Variants in FAM83G observed in about 807,000 individuals in gnomAD.
FAM83G encodes the protein protein FAM83G.
Under a neutral mutation model 61.5 loss-of-function variants are expected in FAM83G, and 38 were observed. The ratio of observed to expected loss-of-function variants is 0.62; its 90% confidence interval spans 0.48 to 0.81. The LOEUF (loss-of-function observed/expected upper bound fraction) is 0.81. FAM83G is among the 30% of genes least tolerant of loss of function. The pLI is 0.00. For missense variants in FAM83G, 989 were observed against 1,133.6 expected (o/e 0.87, Z 1.83); for synonymous variants, 470 against 476.1 (o/e 0.99, Z 0.17).
chr17:18,994,681 A>G (rs1567802148), intron 2 of FAM83G, among the ~76,000 whole-genome samples: 1 of 152,136 alleles, frequency 6.6e-6, no homozygotes, highest in East Asian at 1.9e-4. Flanking sequence ...CAGGTCCTGC[A>G]GGGGGTGTCC....
At chr17:18,985,873 G>A (rs1004355178) in intron 3 of FAM83G, among the ~76,000 whole-genome samples, 5 of 152,254 alleles carry the variant, frequency 3.3e-5, no homozygotes, top group African/African-American at 9.6e-5. Flanking sequence ...GTGGAACAGG[G>A]CAGGCCTCAT....
intron 2 of FAM83G, among the ~76,000 whole-genome samples, chr17:18,995,647 C>A (rs2043547841): frequency 6.6e-6 from 1 of 152,160 alleles, no homozygotes; most frequent in Non-Finnish European, 1.5e-5. Context: ...GTGGCTCATG[C>A]CTATAATCCC....
chr17:18,978,990 T>G, intron 4 of FAM83G, 140 bp from the exon 5 acceptor site: 2 of 942,674 alleles, frequency 2.1e-6, no homozygotes, highest in Non-Finnish European at 3.1e-6. Context: ...AGAGAGCAGG[T>G]GCATACTGTG....
At position 18,970,950 on chromosome 17, in the gene FAM83G, G is replaced by T. The variant is rs1056620697; in HGVS notation, c.*409C>A. ...TTTCTTGTGAGATGAAGGCAGGGGG[G>T]AGCCCAGGGAGTCAGGGCCCCGCAA... On this transcript the variant is annotated 3_prime_UTR_variant, in exon 6 of 6. Transcript: ENST00000388995. 26 of 1,505,778 alleles carry T rather than the reference G, an allele frequency of 1.7e-5. No individual in the cohort carries two copies. In the South Asian group the frequency reaches 1.9e-4, roughly 11 times the overall value. The allele number at this position is 1,505,778 out of a possible 1,614,324, so 93.3% of individuals were successfully genotyped here.
At position 18,971,496 on chromosome 17, in the gene FAM83G, G is replaced by A. The variant is rs1014950492; in HGVS notation, c.2335C>T (p.His779Tyr). The A allele has an allele frequency of 1.5e-5, 24 of 1,613,936 alleles. No individual in the cohort carries two copies. The highest frequency in any genetic ancestry group is 5.0e-5 in the Admixed American group (3 of 60,010). The change falls in exon 6 of 6, where the codon CAT becomes TAT. Residue 779 changes from histidine to tyrosine, a missense_variant. This residue lies in a region of FAM83G where 574 missense variants were observed against 645.1 expected (regional missense o/e 0.89). Coordinates refer to ENST00000388995, the MANE Select transcript of FAM83G (RefSeq NM_001039999.3). This position sits in a 1 kb window ranked among gnomAD's most constrained non-coding sequence, Gnocchi z 5.5. ...PMTDGRATEE[H>Y]PSPFGIPYSK... ...TATGGGATTCCGAAGGGACTCGGAT[G>A]CTCCTCGGTGGCCCTGCCATCGGTC...
At chr17:19,005,646 A>ATC (rs1301709342), upstream of FAM83G, among the ~76,000 whole-genome samples, 1 of 143,180 alleles carries the variant, frequency 7.0e-6, no homozygotes, top group East Asian at 2.7e-4. Context: ...TGTGCCCTCA[A>ATC]ACCCCCCCCC....
chr17:18,988,141 C>T, intron 3 of FAM83G, 106 bp downstream of exon 3: 2 of 1,488,600 alleles, frequency 1.3e-6, no homozygotes, highest in Non-Finnish European at 1.8e-6. Context: ...ACTCTGAGTG[C>T]CTGGCACAGG....
intron 5 of FAM83G, chr17:18,976,928 C>T (rs1368489422): frequency 6.2e-7 from 1 of 1,613,424 alleles, no homozygotes; most frequent in Non-Finnish European, 8.5e-7. Flanking sequence ...CCAGCTACCT[C>T]AAGATGCTCC....
intron 3 of FAM83G, among the ~76,000 whole-genome samples, chr17:18,984,021 T>A (rs2043201630): frequency 2.6e-5 from 4 of 152,142 alleles, no homozygotes; most frequent in Non-Finnish European, 5.9e-5. Context: ...CAAATGTCCC[T>A]CAGCAGAGTG....
intron 3 of FAM83G, among the ~76,000 whole-genome samples, chr17:18,981,179 G>C (rs2043123171): frequency 6.6e-6 from 1 of 152,214 alleles, no homozygotes; most frequent in Admixed American, 6.5e-5. Context: ...GGATCGCAGA[G>C]GAGTAGCCTG....
chr17:19,005,436 CAGGCTTTG>C (rs1567808840), upstream of FAM83G, among the ~76,000 whole-genome samples: 1 of 152,158 alleles, frequency 6.6e-6, no homozygotes, highest in Non-Finnish European at 1.5e-5. Context: ...CATCTGAAGG[CAGGCTTTG>C]AGGGTGGGAC....
chr17:18,977,120 G>A (rs183581661), intron 5 of FAM83G: 1 of 1,305,884 alleles, frequency 7.7e-7, no homozygotes, highest in East Asian at 2.4e-5. Flanking sequence ...GGAGTGGGGA[G>A]AGTGGTCCTC....
intron 3 of FAM83G, among the ~76,000 whole-genome samples, 197 bp from the exon 4 acceptor site, chr17:18,979,870 C>G (rs548225149): frequency 2.6e-5 from 4 of 152,110 alleles, no homozygotes; most frequent in Non-Finnish European, 4.4e-5. Context: ...GCTGCTGAGC[C>G]GTGAAGCTAC....
chr17:18,981,777 C>T (rs915460573), intron 3 of FAM83G, among the ~76,000 whole-genome samples: 2 of 152,242 alleles, frequency 1.3e-5, no homozygotes, highest in African/African-American at 4.8e-5. Context: ...CGGCCCCCCA[C>T]CCCGCAGGCT....
intron 2 of FAM83G, among the ~76,000 whole-genome samples, chr17:18,999,164 G>C (rs1176408490): frequency 1.3e-5 from 2 of 152,126 alleles, no homozygotes; most frequent in Non-Finnish European, 2.9e-5. Flanking sequence ...TGTAATTCCA[G>C]CTACTCAGGA....
intron 3 of FAM83G, chr17:18,986,089 G>A (rs928917950): frequency 2.0e-5 from 3 of 152,326 alleles, no homozygotes; most frequent in African/African-American, 7.2e-5. Context: ...ACCCACAGCA[G>A]GTCAGCGGCC....
At chr17:18,995,060 G>A (rs1161022783) in intron 2 of FAM83G, among the ~76,000 whole-genome samples, 3 of 151,882 alleles carry the variant, frequency 2.0e-5, no homozygotes, top group African/African-American at 7.3e-5. Context: ...ATATTTAAAG[G>A]AGAAAACAAA....
At chr17:18,983,154 C>T (rs1278382894) in intron 3 of FAM83G, among the ~76,000 whole-genome samples, 1 of 152,222 alleles carries the variant, frequency 6.6e-6, no homozygotes, top group African/African-American at 2.4e-5. Context: ...GTGACCTGCC[C>T]ACTGTCTCCC....
chr17:18,969,054 G>A lies in FAM83G; in HGVS notation c.*2305C>T. On this transcript the variant is annotated 3_prime_UTR_variant, in exon 6 of 6. Transcript: ENST00000388995. ...CACAAGGCTCTCTCCCTCCGCAGCT[G>A]GACCTGTACGCGGGGGCTCTGTTTG... The A allele has an allele frequency of 6.2e-7, 1 of 1,613,076 alleles. No homozygotes were observed.
Sources: gnomAD v4.1 joint callset for allele counts (sites outside exome capture counted in the v4.1 genomes callset) on GRCh38, gnomAD v4.1.1 for gene constraint, gnomAD v4.1.1 regional missense constraint, Gnocchi (gnomAD v3.1) non-coding constraint, MANE v1.5 for transcripts, NCBI Gene and HGNC (gene_info 2026-07-23, HGNC 2026-07-21) for gene names.